Variants in ST3GAL3 observed in about 807,000 individuals in gnomAD.
The protein encoded by ST3GAL3 is ST3 beta-galactoside alpha-2,3-sialyltransferase 3.
In ST3GAL3, 21 loss-of-function variants were observed where a neutral mutation model predicts 50.1. That is an observed-to-expected ratio of 0.42 (90% CI 0.30 to 0.60). The LOEUF is 0.60. Ranked by LOEUF, ST3GAL3 falls within the 20% of genes least tolerant of loss-of-function variation. The pLI is 0.19. For synonymous variants in ST3GAL3, 183 were observed against 190.0 expected, an observed-to-expected ratio of 0.96 and a Z score of 0.30; for missense variants, 353 against 489.4, an observed-to-expected ratio of 0.72 and a Z score of 2.63.
chr1:43,889,233 C>T (rs1035590414), intron 5 of ST3GAL3, among the ~76,000 whole-genome samples: 2 of 150,212 alleles, frequency 1.3e-5, no homozygotes, highest in Non-Finnish European at 1.5e-5. Context: ...CACACACACA[C>T]GTTTCATTTA....
intron 1 of ST3GAL3, among the ~76,000 whole-genome samples, chr1:43,732,536 A>G (rs1676393265): frequency 6.6e-6 from 1 of 152,144 alleles, no homozygotes; most frequent in Non-Finnish European, 1.5e-5. Flanking sequence ...CTGCTTCACC[A>G]TTCCTTGTTG....
intron 2 of ST3GAL3, among the ~76,000 whole-genome samples, chr1:43,785,480 A>G (rs950399044): frequency 6.6e-6 from 1 of 152,196 alleles, no homozygotes; most frequent in African/African-American, 2.4e-5. Flanking sequence ...AACTATAGGC[A>G]AGGCCTTCTG....
chr1:43,828,292 A>C (rs2063088027), intron 4 of ST3GAL3, among the ~76,000 whole-genome samples: 2 of 152,262 alleles, frequency 1.3e-5, no homozygotes, highest in African/African-American at 4.8e-5. Flanking sequence ...TGAAACTATA[A>C]TAAACTTCTG....
At chr1:43,910,930 C>T (rs1293658685) in intron 9 of ST3GAL3, among the ~76,000 whole-genome samples, 1 of 152,180 alleles carries the variant, frequency 6.6e-6, no homozygotes, top group African/African-American at 2.4e-5. Flanking sequence ...GATGTGCCCA[C>T]CCCAGGTCCA....
At chr1:43,886,842 A>ATTTG (rs146758567) in intron 5 of ST3GAL3, among the ~76,000 whole-genome samples, 288 of 152,224 alleles carry the variant, frequency 1.9e-3, no homozygotes, top group African/African-American at 4.3e-3. Flanking sequence ...GCTTTGTCGA[A>ATTTG]TTTGTTTGTT....
At chr1:43,724,570 T>C (rs1672039122) in intron 1 of ST3GAL3, among the ~76,000 whole-genome samples, 1 of 152,150 alleles carries the variant, frequency 6.6e-6, no homozygotes, top group Non-Finnish European at 1.5e-5. Context: ...ATGCTAGTGA[T>C]TTAACAGACC....
chr1:43,873,926 G>C lies in ST3GAL3; in HGVS notation c.303-20457G>C, dbSNP rs574620020. Among the ~76,000 whole-genome samples the C allele has an allele frequency of 8.5e-5, 13 of 152,284 alleles. No individual in the cohort carries two copies. The East Asian group carries it at 2.5e-3, about 29-fold the overall frequency. ...CAAATAAGTGAATATGGATGGAGGAGAGAAGCTGGGACTGAGCCCAGAGAA... is the reference window on the plus strand; with the variant it reads ...CAAATAAGTGAATATGGATGGAGGACAGAAGCTGGGACTGAGCCCAGAGAA... On this transcript the variant is annotated intron_variant, in intron 5 of 11. Coordinates refer to ENST00000347631, the MANE Select transcript of ST3GAL3 (RefSeq NM_006279.5).
intron 1 of ST3GAL3, among the ~76,000 whole-genome samples, chr1:43,722,191 G>A (rs564262332): frequency 5.3e-5 from 8 of 152,284 alleles, no homozygotes; most frequent in East Asian, 1.9e-4. Flanking sequence ...TAGCTGAGAC[G>A]TAAAAGATAA....
chr1:43,762,610 C>G (rs184844036), intron 2 of ST3GAL3, among the ~76,000 whole-genome samples: 24 of 152,212 alleles, frequency 1.6e-4, no homozygotes, highest in African/African-American at 5.8e-4. Flanking sequence ...GATATAAACG[C>G]TACCATTTAT....
Position 43,836,132 on chromosome 1 carries a change from G to A in ST3GAL3, c.210-2087G>A, listed in dbSNP as rs1000273663. Among the ~76,000 whole-genome samples, 5 of 152,330 alleles carry A rather than the reference G, an allele frequency of 3.3e-5. No individual in the cohort carries two copies. The East Asian group carries it at 9.6e-4, about 29-fold the overall frequency. On this transcript the variant is annotated intron_variant, in intron 4 of 11. Coordinates refer to ENST00000347631, the MANE Select transcript of ST3GAL3 (RefSeq NM_006279.5). ...TAGCACCAACTCACAGAGTTGTTGA[G>A]AGAGCTAACTGAAAACATCTAGAAC... is the stretch of plus-strand genomic sequence containing the variant.
chr1:43,779,416 C>T (rs1182467369), intron 2 of ST3GAL3, among the ~76,000 whole-genome samples: 2 of 152,204 alleles, frequency 1.3e-5, no homozygotes, highest in African/African-American at 4.8e-5. Context: ...GCATAGTTTA[C>T]AGGGCTTGTT....
intron 5 of ST3GAL3, among the ~76,000 whole-genome samples, chr1:43,847,882 T>G (rs2154209812): frequency 6.6e-6 from 1 of 152,328 alleles, no homozygotes; most frequent in East Asian, 1.9e-4. Flanking sequence ...CTGTTGGTCT[T>G]TCTTCCTTTG....
At chr1:43,885,460 C>T (rs535610584) in intron 5 of ST3GAL3, among the ~76,000 whole-genome samples, 2 of 152,244 alleles carry the variant, frequency 1.3e-5, no homozygotes, top group African/African-American at 2.4e-5. Flanking sequence ...GCGGGGCTGG[C>T]GGGCTGGGGC....
At chr1:43,833,891 C>G (rs569663700) in intron 4 of ST3GAL3, among the ~76,000 whole-genome samples, 2 of 152,296 alleles carry the variant, frequency 1.3e-5, no homozygotes, top group South Asian at 4.1e-4. Context: ...GCTAAGGGAG[C>G]AGAGCTAAGG....
At chr1:43,757,769 A>G (rs1208559423) in intron 2 of ST3GAL3, among the ~76,000 whole-genome samples, 1 of 152,226 alleles carries the variant, frequency 6.6e-6, no homozygotes, top group Admixed American at 6.5e-5. Context: ...AAAGCATAAA[A>G]AAAAACATTG....
At chr1:43,884,177 C>G (rs1443203677) in intron 5 of ST3GAL3, among the ~76,000 whole-genome samples, 4 of 152,186 alleles carry the variant, frequency 2.6e-5, no homozygotes, top group Non-Finnish European at 5.9e-5. Context: ...CCAGCTCCAT[C>G]TAGTCCCATG....
chr1:43,912,749 A>C (rs2081148149), intron 9 of ST3GAL3: 1 of 152,236 alleles, frequency 6.6e-6, no homozygotes, highest in Non-Finnish European at 1.5e-5. Flanking sequence ...TTCTTCCCAG[A>C]TGTTTTCCCC....
chr1:43,917,498 A>T lies in ST3GAL3; in HGVS notation c.745-2906A>T, dbSNP rs1316077633. On this transcript the variant is annotated intron_variant, in intron 9 of 11. Transcript: ENST00000347631. ...AATATATATAATATATAATATATAT[A>T]ATATATTATATAATATAATATATAT... Among the ~76,000 whole-genome samples the T allele has an allele frequency of 1.6e-4, 11 of 70,464 alleles. No homozygotes were observed. In the South Asian group the frequency reaches 2.7e-3, roughly 17 times the overall value. 46.2% of individuals were successfully genotyped at this position (70,464 alleles called of 152,430 possible).
chr1:43,751,116 GGTTA>G (rs1685894764), intron 2 of ST3GAL3, among the ~76,000 whole-genome samples: 1 of 152,012 alleles, frequency 6.6e-6, no homozygotes, highest in Non-Finnish European at 1.5e-5. Flanking sequence ...AATTATAAGT[GGTTA>G]GTGTTTATTT....
Sources: gnomAD v4.1 joint callset for allele counts (sites outside exome capture counted in the v4.1 genomes callset) on GRCh38, gnomAD v4.1.1 for gene constraint, MANE v1.5 for transcripts, NCBI Gene and HGNC (gene_info 2026-07-23, HGNC 2026-07-21) for gene names.